The following ITPR1 variants were observed in gnomAD, a reference collection of about 807,000 sequenced individuals.
ITPR1 encodes inositol 1,4,5-trisphosphate receptor type 1.
A neutral mutation model predicts 318.4 loss-of-function variants in ITPR1; 96 were observed. That is an observed-to-expected ratio of 0.30 (90% CI 0.26 to 0.36). The LOEUF is 0.36. Ranked by LOEUF, ITPR1 falls within the 10% of genes least tolerant of loss-of-function variation. ITPR1 has a pLI of 1.00. For missense variants in ITPR1, 2,440 were observed against 3,460.2 expected (o/e 0.71, Z 7.40); for synonymous variants, 1,312 against 1,289.9 (o/e 1.02, Z -0.37).
At chr3:4,664,833 G>A (rs552103334) in intron 16 of ITPR1, among the ~76,000 whole-genome samples, 1 of 152,314 alleles carries the variant, frequency 6.6e-6, no homozygotes, top group Admixed American at 6.5e-5. Context: ...TGTACTGCTA[G>A]GGAGTAATAA....
intron 60 of ITPR1, among the ~76,000 whole-genome samples, chr3:4,835,270 G>A (rs947712460): frequency 1.3e-5 from 2 of 152,154 alleles, no homozygotes; most frequent in Admixed American, 6.5e-5. Flanking sequence ...TCTCACTTGA[G>A]TTGTAATATT....
At chr3:4,593,449 T>G (rs527573262) in intron 4 of ITPR1, among the ~76,000 whole-genome samples, 26 of 152,358 alleles carry the variant, frequency 1.7e-4, no homozygotes, top group South Asian at 1.2e-3. Flanking sequence ...TTGCATTTTA[T>G]AGTTTCTCTA....
chr3:4,516,338 G>T, intron 2 of ITPR1, 138 bp from the exon 3 acceptor site: 1 of 529,122 alleles, frequency 1.9e-6, no homozygotes, highest in Middle Eastern at 4.6e-4. Context: ...TGAATCGCCT[G>T]CCTGTCAAAC....
At chr3:4,503,039 C>G (rs304025) in intron 2 of ITPR1, among the ~76,000 whole-genome samples, 4 of 151,860 alleles carry the variant, frequency 2.6e-5, no homozygotes, top group African/African-American at 9.7e-5. Flanking sequence ...GAGCTGAGAT[C>G]GCACCACTGC....
intron 4 of ITPR1, among the ~76,000 whole-genome samples, chr3:4,614,109 C>CA (rs2092286204): frequency 6.6e-6 from 1 of 152,104 alleles, no homozygotes; most frequent in African/African-American, 2.4e-5. Flanking sequence ...GACTGTGATA[C>CA]AAAAAAATTA....
intron 14 of ITPR1, 133 bp from the exon 15 acceptor site, chr3:4,661,949 T>C (rs748278547): frequency 4.3e-5 from 29 of 678,142 alleles, no homozygotes; most frequent in Non-Finnish European, 5.9e-5. Context: ...TAGATTTTTT[T>C]CCTATATCAT....
At chr3:4,595,046 T>C (rs2090693689) in intron 4 of ITPR1, among the ~76,000 whole-genome samples, 1 of 152,186 alleles carries the variant, frequency 6.6e-6, no homozygotes, top group South Asian at 2.1e-4. Context: ...AAGCCTCACT[T>C]TTCCCTTCTG....
chr3:4,833,665 C>T (rs1454289210), intron 60 of ITPR1, among the ~76,000 whole-genome samples: 1 of 152,220 alleles, frequency 6.6e-6, no homozygotes, highest in African/African-American at 2.4e-5. Context: ...ACAGTCCAAG[C>T]TGCTCCTGCC....
intron 44 of ITPR1, among the ~76,000 whole-genome samples, chr3:4,757,706 C>A (rs1236805996): frequency 6.6e-6 from 1 of 152,168 alleles, no homozygotes; most frequent in African/African-American, 2.4e-5. Flanking sequence ...CCATGGGGTG[C>A]TTCTGAGGAT....
intron 60 of ITPR1, 58 bp from the exon 61 acceptor site, chr3:4,836,716 C>T: frequency 7.7e-7 from 1 of 1,291,168 alleles, no homozygotes; most frequent in Non-Finnish European, 9.9e-7. Flanking sequence ...CTTGTTTTTA[C>T]CTCTAGAAGT....
intron 7 of ITPR1, among the ~76,000 whole-genome samples, chr3:4,643,261 T>C (rs2093378656): frequency 6.6e-6 from 1 of 152,250 alleles, no homozygotes; most frequent in African/African-American, 2.4e-5. Flanking sequence ...CAATTGTATA[T>C]GCTCCTCAAA....
intron 4 of ITPR1, among the ~76,000 whole-genome samples, chr3:4,590,551 A>G (rs2090315802): frequency 6.7e-6 from 1 of 149,340 alleles, no homozygotes; most frequent in African/African-American, 2.4e-5. Context: ...TTTAATTATA[A>G]TTACTATTTT....
At position 4,725,594 on chromosome 3, in the gene ITPR1, C is replaced by T. The variant is rs930365308; in HGVS notation, c.5172+13C>T. On this transcript the variant is annotated intron_variant, in intron 41 of 61. Transcript: ENST00000649015. ...GAACGCCACTGAGGTGTGTTGCCCGCCTATATTTGTAGCGCCAGCGCCAGC... is the reference window on the plus strand; with the variant it reads ...GAACGCCACTGAGGTGTGTTGCCCGTCTATATTTGTAGCGCCAGCGCCAGC... 24 of 1,597,976 alleles carry T rather than the reference C, an allele frequency of 1.5e-5. No homozygotes were observed. Among genetic ancestry groups the T allele is most frequent in the Non-Finnish European group, 1.9e-5 (22 of 1,178,386 alleles).
chr3:4,837,767 ATG>A (rs2051034793), intron 61 of ITPR1, among the ~76,000 whole-genome samples: 2 of 152,168 alleles, frequency 1.3e-5, no homozygotes, highest in South Asian at 4.1e-4. Flanking sequence ...TAGTGATAGG[ATG>A]CAGCTGTGTA....
chr3:4,696,262 T>C (rs2094556314), intron 33 of ITPR1, among the ~76,000 whole-genome samples: 1 of 152,190 alleles, frequency 6.6e-6, no homozygotes, highest in African/African-American at 2.4e-5. Context: ...CCATTAGCAG[T>C]CACTTCCCAT....
chr3:4,547,127 T>A (rs1351764739), intron 4 of ITPR1, among the ~76,000 whole-genome samples: 1 of 152,194 alleles, frequency 6.6e-6, no homozygotes, highest in Non-Finnish European at 1.5e-5. Flanking sequence ...CTAGGCATGA[T>A]TTATAGTACG....
At chr3:4,545,691 CTTTTTTT>C (rs71623167) in intron 4 of ITPR1, among the ~76,000 whole-genome samples, 1 of 103,404 alleles carries the variant, frequency 9.7e-6, no homozygotes, top group Non-Finnish European at 1.9e-5. Flanking sequence ...AGTATGCAAA[CTTTTTTT>C]TTTTTTTTTT....
chr3:4,656,917 A>G (rs1352703593), intron 12 of ITPR1, among the ~76,000 whole-genome samples: 1 of 152,232 alleles, frequency 6.6e-6, no homozygotes, highest in Non-Finnish European at 1.5e-5. Context: ...CGAGCTGGCC[A>G]GTCTCTTCTG....
At chr3:4,628,942 A>G (rs560102776) in intron 5 of ITPR1, among the ~76,000 whole-genome samples, 13 of 152,190 alleles carry the variant, frequency 8.5e-5, no homozygotes, top group Non-Finnish European at 2.9e-5. Context: ...AGCCAGCTGC[A>G]TTTGGTCAGG....
Sources: gnomAD v4.1 joint callset for allele counts (sites outside exome capture counted in the v4.1 genomes callset) on GRCh38, gnomAD v4.1.1 for gene constraint, MANE v1.5 for transcripts, NCBI Gene and HGNC (gene_info 2026-07-23, HGNC 2026-07-21) for gene names.